KHDRBS2: variants seen among roughly 807,000 people sequenced by gnomAD.
KHDRBS2 encodes KH RNA binding domain containing, signal transduction associated 2.
KHDRBS2 carries 26 observed loss-of-function variants against 44.3 expected under a neutral mutation model. The observed-to-expected ratio is 0.59, with a 90% confidence interval of 0.43 to 0.81. KHDRBS2 has a LOEUF of 0.81. Ranked by LOEUF, KHDRBS2 falls within the 40% of genes least tolerant of loss-of-function variation. KHDRBS2 has a pLI of 0.00. For missense variants in KHDRBS2, 476 were observed against 433.1 expected, an observed-to-expected ratio of 1.10 and a Z score of -0.88; for synonymous variants, 194 against 151.1, an observed-to-expected ratio of 1.28 and a Z score of -2.08.
At chr6:62,253,239 C>T (rs1320485829) in intron 1 of KHDRBS2, among the ~76,000 whole-genome samples, 2 of 151,956 alleles carry the variant, frequency 1.3e-5, no homozygotes, top group Non-Finnish European at 2.9e-5. Context: ...GTAATGCTAT[C>T]AAGTATCAAG....
chr6:62,070,262 T>C (rs1418118205), intron 2 of KHDRBS2, among the ~76,000 whole-genome samples: 1 of 151,806 alleles, frequency 6.6e-6, no homozygotes, highest in Non-Finnish European at 1.5e-5. Context: ...TATAGTTTTC[T>C]TTTTCTGTCT....
chr6:62,066,336 C>A (rs1269289969), intron 2 of KHDRBS2, among the ~76,000 whole-genome samples: 2 of 151,646 alleles, frequency 1.3e-5, no homozygotes, highest in African/African-American at 2.4e-5. Context: ...TGCACAATTC[C>A]ATTTTTATCT....
chr6:62,262,150 C>G (rs1376960585), intron 1 of KHDRBS2, among the ~76,000 whole-genome samples: 2 of 151,624 alleles, frequency 1.3e-5, no homozygotes, highest in African/African-American at 4.8e-5. Context: ...TGTATCTTCT[C>G]TCAGTTCATT....
At chr6:61,919,890 G>A (rs1040321218) in intron 4 of KHDRBS2, among the ~76,000 whole-genome samples, 57 of 147,870 alleles carry the variant, frequency 3.9e-4, no homozygotes, top group African/African-American at 1.4e-3. Flanking sequence ...TGTTTCAAAG[G>A]CACATGGGGT....
At chr6:62,093,179 G>A (rs1291153707) in intron 2 of KHDRBS2, among the ~76,000 whole-genome samples, 3 of 148,456 alleles carry the variant, frequency 2.0e-5, no homozygotes, top group Non-Finnish European at 4.5e-5. Flanking sequence ...AATAAAACAG[G>A]ATAAAACTAA....
Position 61,900,861 on chromosome 6 carries a change from C to T in KHDRBS2, c.611+383G>A, listed in dbSNP as rs138919807. On this transcript the variant is annotated intron_variant, in intron 5 of 8. Coordinates refer to ENST00000281156, the MANE Select transcript of KHDRBS2 (RefSeq NM_152688.4). Reference sequence around the variant, plus strand: ...TGAAGAGGTGAATAGTTGTATCATGCGTGTGTTCTAATCCTGAGGATAGAA... The same window carrying T: ...TGAAGAGGTGAATAGTTGTATCATGTGTGTGTTCTAATCCTGAGGATAGAA... 3.0e-3 allele frequency among the ~76,000 whole-genome samples: 460 copies of T among 152,252 alleles called. 3 individuals carry two copies. Among genetic ancestry groups the T allele is most frequent in the African/African-American group, 0.01 (424 of 41,544 alleles).
chr6:61,618,884 C>A, the KHDRBS2 span, among the ~76,000 whole-genome samples: 4 of 152,140 alleles, frequency 2.6e-5, no homozygotes, highest in Admixed American at 1.3e-4. Flanking sequence ...ATGTATAGCT[C>A]TTTCTCAAAT....
chr6:61,933,596 C>G (rs1651917341), intron 4 of KHDRBS2, among the ~76,000 whole-genome samples: 1 of 152,124 alleles, frequency 6.6e-6, no homozygotes, highest in African/African-American at 2.4e-5. Context: ...TACCACACAC[C>G]TAGGCTTATA....
intron 1 of KHDRBS2, among the ~76,000 whole-genome samples, chr6:62,188,138 G>T (rs1823827527): frequency 1.3e-5 from 2 of 151,934 alleles, no homozygotes; most frequent in African/African-American, 4.8e-5. Context: ...ATTCATGAGG[G>T]ATCTGCCCTC....
chr6:61,754,327 G>C (rs1470708250), intron 6 of KHDRBS2, among the ~76,000 whole-genome samples: 1 of 152,126 alleles, frequency 6.6e-6, no homozygotes, highest in Non-Finnish European at 1.5e-5. Flanking sequence ...TGGGGCCAGA[G>C]AACATTACAG....
At chr6:61,764,422 T>C (rs1231271461) in intron 6 of KHDRBS2, among the ~76,000 whole-genome samples, 1 of 152,200 alleles carries the variant, frequency 6.6e-6, no homozygotes, top group Non-Finnish European at 1.5e-5. Flanking sequence ...TCTTCCACAA[T>C]GGTTGAACTA....
intron 3 of KHDRBS2, among the ~76,000 whole-genome samples, chr6:62,046,209 C>T (rs562200594): frequency 6.6e-6 from 1 of 151,724 alleles, no homozygotes; most frequent in African/African-American, 2.4e-5. Context: ...TTGGATTTTC[C>T]AATACTTTTG....
chr6:61,566,328 C>T, the KHDRBS2 span, among the ~76,000 whole-genome samples: 1 of 151,938 alleles, frequency 6.6e-6, no homozygotes, highest in Non-Finnish European at 1.5e-5. Flanking sequence ...TTCTGTAGCA[C>T]AATAGGAATG....
At chr6:61,826,331 C>T (rs1245524040) in intron 6 of KHDRBS2, among the ~76,000 whole-genome samples, 1 of 152,072 alleles carries the variant, frequency 6.6e-6, no homozygotes, top group Non-Finnish European at 1.5e-5. Context: ...GGCAAGAAAT[C>T]AGAGGGAAGG....
chr6:62,145,789 C>T (rs529224530), intron 2 of KHDRBS2, among the ~76,000 whole-genome samples: 9 of 151,842 alleles, frequency 5.9e-5, no homozygotes, highest in Admixed American at 3.9e-4. Context: ...TGAGTGCTGA[C>T]GTGACACCAC....
chr6:61,569,815 A>G, the KHDRBS2 span, among the ~76,000 whole-genome samples: 1 of 152,140 alleles, frequency 6.6e-6, no homozygotes. Context: ...GCTAGATTCA[A>G]AAGAACAATA....
chr6:61,723,677 G>T (rs1773078263), intron 7 of KHDRBS2, among the ~76,000 whole-genome samples: 2 of 152,042 alleles, frequency 1.3e-5, no homozygotes, highest in South Asian at 4.1e-4. Flanking sequence ...ACGTCACAAT[G>T]CAATCAGAAG....
At chr6:62,269,689 T>C (rs2150187525) in intron 1 of KHDRBS2, among the ~76,000 whole-genome samples, 1 of 152,154 alleles carries the variant, frequency 6.6e-6, no homozygotes, top group South Asian at 2.1e-4. Context: ...TTCCATATAT[T>C]ATAATAAAAG....
chr6:61,933,414 C>T (rs1810456168), intron 4 of KHDRBS2, among the ~76,000 whole-genome samples: 1 of 152,024 alleles, frequency 6.6e-6, no homozygotes, highest in African/African-American at 2.4e-5. Flanking sequence ...ACTAGTGCTG[C>T]AAAAAACATA....
Sources: gnomAD v4.1 joint callset for allele counts (sites outside exome capture counted in the v4.1 genomes callset) on GRCh38, gnomAD v4.1.1 for gene constraint, MANE v1.5 for transcripts, NCBI Gene and HGNC (gene_info 2026-07-23, HGNC 2026-07-21) for gene names.